RBMS3: variants seen among roughly 807,000 people sequenced by gnomAD.
RBMS3 encodes the protein RNA-binding motif, single-stranded-interacting protein 3.
RBMS3 carries 27 observed loss-of-function variants against 66.8 expected under a neutral mutation model. The observed-to-expected ratio is 0.40, with a 90% confidence interval of 0.30 to 0.56. The LOEUF is 0.56. Ranked by LOEUF, RBMS3 falls within the 20% of genes least tolerant of loss-of-function variation. The pLI, the probability that RBMS3 is intolerant of heterozygous loss-of-function variation, is 0.40. For missense variants in RBMS3, 513 were observed against 549.5 expected (o/e 0.93, Z 0.66); for synonymous variants, 188 against 183.0 (o/e 1.03, Z -0.22).
At chr3:29,756,717 C>G (rs2055432295) in intron 5 of RBMS3, among the ~76,000 whole-genome samples, 2 of 152,116 alleles carry the variant, frequency 1.3e-5, no homozygotes, top group South Asian at 4.1e-4. Context: ...CCAGCAACTA[C>G]AAAATGTGGG....
At chr3:29,370,026 A>T (rs1352851983) in intron 1 of RBMS3, among the ~76,000 whole-genome samples, 1 of 152,180 alleles carries the variant, frequency 6.6e-6, no homozygotes, top group East Asian at 1.9e-4. Flanking sequence ...AAATAGCCCA[A>T]AGAAATGACT....
chr3:29,460,353 A>G (rs2042332648), intron 2 of RBMS3, among the ~76,000 whole-genome samples: 2 of 152,348 alleles, frequency 1.3e-5, no homozygotes, highest in South Asian at 4.1e-4. Context: ...AAGCATAGAT[A>G]TTGTTTCATG....
intron 14 of RBMS3, among the ~76,000 whole-genome samples, chr3:29,998,630 A>G (rs150820313): frequency 0.025 from 3,858 of 152,266 alleles, 118 homozygotes; most frequent in East Asian, 0.17. Flanking sequence ...CAACTATCTA[A>G]TCTTTGACAA....
rs527698326 is a variant in RBMS3, at chr3:29,969,778, T to C, written c.1099-18365T>C. 5.9e-5 allele frequency among the ~76,000 whole-genome samples: 9 copies of C among 152,286 alleles called. No individual in the cohort carries two copies. In the South Asian group the frequency reaches 1.7e-3, roughly 28 times the overall value. ...GGGGTCATAGGATTTTCAAAAGAAA[T>C]GTGGATTATCATCAAGAATAGGAAA... On this transcript the variant is annotated intron_variant, in intron 12 of 14. Coordinates refer to ENST00000383767, the MANE Select transcript of RBMS3 (RefSeq NM_001003793.3).
At chr3:29,452,347 G>C (rs2042043623) in intron 2 of RBMS3, among the ~76,000 whole-genome samples, 1 of 152,098 alleles carries the variant, frequency 6.6e-6, no homozygotes, top group Non-Finnish European at 1.5e-5. Context: ...AAAACCCATG[G>C]CTTATTACCT....
rs1436383315 is a variant in RBMS3 at position 29,796,952 on chromosome 3, T to A, written c.637+33963T>A. On this transcript the variant is annotated intron_variant, in intron 6 of 14. Coordinates refer to ENST00000383767, the MANE Select transcript of RBMS3 (RefSeq NM_001003793.3). ...TGGTCTCGATCTCCTGACCTCATGATCTGCCCGCCTCAGTCACCCGAAGTG... is the reference window on the plus strand; with the variant it reads ...TGGTCTCGATCTCCTGACCTCATGAACTGCCCGCCTCAGTCACCCGAAGTG... 5.3e-5 allele frequency among the ~76,000 whole-genome samples: 8 copies of A among 152,094 alleles called. No homozygotes were observed. In the East Asian group the frequency reaches 1.5e-3, roughly 29 times the overall value.
chr3:29,364,182 T>C (rs1163192316), intron 1 of RBMS3, among the ~76,000 whole-genome samples: 1 of 152,142 alleles, frequency 6.6e-6, no homozygotes, highest in Non-Finnish European at 1.5e-5. Flanking sequence ...TTCTCAAATA[T>C]ATCATTAATC....
At chr3:29,376,582 C>T (rs530590698) in intron 1 of RBMS3, among the ~76,000 whole-genome samples, 41 of 152,060 alleles carry the variant, frequency 2.7e-4, no homozygotes, top group Non-Finnish European at 4.7e-4. Context: ...ACCAGCCTGA[C>T]CAACATGGTG....
intron 4 of RBMS3, among the ~76,000 whole-genome samples, chr3:29,689,519 T>C (rs1039359662): frequency 3.3e-5 from 5 of 152,096 alleles, no homozygotes; most frequent in African/African-American, 1.2e-4. Context: ...GAGTTGATAA[T>C]TTGTGAGTTT....
At chr3:29,404,927 AAGATTATAAAG>A (rs2039951563) in intron 1 of RBMS3, among the ~76,000 whole-genome samples, 1 of 152,148 alleles carries the variant, frequency 6.6e-6, no homozygotes, top group Admixed American at 6.6e-5. Context: ...TAACTGTGGA[AAGATTATAAAG>A]CCAGACTGCT....
At chr3:29,675,603 A>T (rs1295285411) in intron 4 of RBMS3, among the ~76,000 whole-genome samples, 2 of 152,214 alleles carry the variant, frequency 1.3e-5, no homozygotes, top group Non-Finnish European at 2.9e-5. Context: ...CAACCCCATC[A>T]AAAAATGGGT....
intron 4 of RBMS3, among the ~76,000 whole-genome samples, chr3:29,703,153 AG>A (rs562502594): frequency 1.9e-3 from 283 of 152,368 alleles, no homozygotes; most frequent in Non-Finnish European, 3.2e-3. Context: ...AATGAAACAC[AG>A]GCATAATTGC....
At chr3:29,330,190 T>C (rs566456559) in intron 1 of RBMS3, among the ~76,000 whole-genome samples, 1 of 152,190 alleles carries the variant, frequency 6.6e-6, no homozygotes, top group Admixed American at 6.6e-5. Flanking sequence ...CCTAAATACC[T>C]AAGTTTGAAT....
At chr3:29,538,486 G>A (rs182848997) in intron 3 of RBMS3, among the ~76,000 whole-genome samples, 5 of 152,294 alleles carry the variant, frequency 3.3e-5, no homozygotes, top group Non-Finnish European at 4.4e-5. Flanking sequence ...TTATAACTGA[G>A]GAAGTCCCTT....
At chr3:29,879,908 T>C (rs1444586980) in intron 7 of RBMS3, among the ~76,000 whole-genome samples, 5 of 152,280 alleles carry the variant, frequency 3.3e-5, no homozygotes, top group Middle Eastern at 6.8e-3. Flanking sequence ...CTTTCTGAAG[T>C]AGCAATGCCT....
At chr3:29,884,312 C>T in intron 8 of RBMS3, 104 bp downstream of exon 8, 1 of 1,074,076 alleles carries the variant, frequency 9.3e-7, no homozygotes. Flanking sequence ...TGTTTTACAT[C>T]CTTAAACACA....
At chr3:29,788,172 T>A (rs570251594) in intron 6 of RBMS3, among the ~76,000 whole-genome samples, 6 of 152,068 alleles carry the variant, frequency 3.9e-5, no homozygotes, top group Non-Finnish European at 8.8e-5. Context: ...CTTGTCTTTT[T>A]TTTTCACTTA....
At chr3:29,319,761 C>T (rs1171515606) in intron 1 of RBMS3, among the ~76,000 whole-genome samples, 4 of 151,948 alleles carry the variant, frequency 2.6e-5, no homozygotes, top group Non-Finnish European at 5.9e-5. Flanking sequence ...AGTATTCTCC[C>T]AGATCTAAGT....
intron 6 of RBMS3, among the ~76,000 whole-genome samples, chr3:29,783,137 C>G (rs969264260): frequency 6.6e-6 from 1 of 152,092 alleles, no homozygotes; most frequent in Admixed American, 6.5e-5. Flanking sequence ...AGGGAATAAT[C>G]CAGGAAAACT....
Sources: allele counts gnomAD v4.1 joint callset (sites outside exome capture counted in the v4.1 genomes callset), GRCh38; gene constraint gnomAD v4.1.1; transcripts MANE v1.5; gene names NCBI Gene and HGNC (gene_info 2026-07-23, HGNC 2026-07-21).